Variants in CHD6 observed in about 807,000 individuals in gnomAD.
CHD6 encodes chromodomain helicase DNA binding protein 6, also known as ATP-dependent chromatin remodeler CHD6.
In CHD6, 50 loss-of-function variants were observed where a neutral mutation model predicts 276.9. That is an observed-to-expected ratio of 0.18 (90% CI 0.14 to 0.23). The LOEUF (loss-of-function observed/expected upper bound fraction) is 0.23, where lower values mean the gene tolerates loss of function less well. CHD6 is among the 10% of genes least tolerant of loss of function. CHD6 has a pLI of 1.00. For missense variants in CHD6, 2,564 were observed against 3,365.8 expected, an observed-to-expected ratio of 0.76 and a Z score of 5.89; for synonymous variants, 1,173 against 1,229.3, an observed-to-expected ratio of 0.95 and a Z score of 0.96.
rs561475722 is a variant in CHD6, at chr20:41,555,816, C to T, written c.-23-4456G>A. Among the ~76,000 whole-genome samples, 216 of 152,112 alleles carry T rather than the reference C, an allele frequency of 1.4e-3. 2 individuals carry two copies. The highest frequency in any genetic ancestry group is 5.1e-3 in the African/African-American group (210 of 41,520). On this transcript the variant is annotated intron_variant, in intron 1 of 36. Transcript: ENST00000373233. ...CCTCACGTCCCAGACGATGGGCGGCCAGGCAGAGACGCTCCTCACTTCCCA... is the reference window on the plus strand; with the variant it reads ...CCTCACGTCCCAGACGATGGGCGGCTAGGCAGAGACGCTCCTCACTTCCCA...
chr20:41,429,914 A>G (rs547087578), intron 27 of CHD6, among the ~76,000 whole-genome samples: 1 of 152,318 alleles, frequency 6.6e-6, no homozygotes, highest in South Asian at 2.1e-4. Context: ...CTACCAATCT[A>G]CTAAACGGTT....
chr20:41,519,169 G>C (rs1056830540), intron 3 of CHD6, among the ~76,000 whole-genome samples: 1 of 152,186 alleles, frequency 6.6e-6, no homozygotes, highest in Non-Finnish European at 1.5e-5. Flanking sequence ...TGTGGTCCCC[G>C]CTACTTGGGA....
rs1254210442 is a variant in CHD6 at position 41,513,006 on chromosome 20, AAC to A, written c.703-13_703-12del. ...TCCCGAGCGTCGTTTCTGTAGGGCA[AAC>A]ACACCCGTCAGAGAAGCTCTCTGAG... On this transcript the variant is annotated splice_polypyrimidine_tract_variant and intron_variant, in intron 4 of 36. Transcript: ENST00000373233. 3 of 1,613,840 alleles carry A rather than the reference AAC, an allele frequency of 1.9e-6. No individual in the cohort carries two copies. Among genetic ancestry groups the A allele is most frequent in the Non-Finnish European group, 2.5e-6 (3 of 1,179,890 alleles).
intron 36 of CHD6, among the ~76,000 whole-genome samples, chr20:41,408,058 T>C (rs536797826): frequency 2.6e-5 from 4 of 151,428 alleles, no homozygotes; most frequent in Non-Finnish European, 5.9e-5. Flanking sequence ...TTCCCAAGAA[T>C]ATTAAAAAAA....
chr20:41,549,740 A>C (rs1237126019), intron 2 of CHD6, among the ~76,000 whole-genome samples: 1 of 152,182 alleles, frequency 6.6e-6, no homozygotes, highest in Non-Finnish European at 1.5e-5. Context: ...AGATTGCTTT[A>C]AGAAATATAA....
At chr20:41,553,610 C>T (rs932382567) in intron 1 of CHD6, among the ~76,000 whole-genome samples, 2 of 152,218 alleles carry the variant, frequency 1.3e-5, no homozygotes, top group African/African-American at 4.8e-5. Context: ...ATGCAGGACA[C>T]GGCAGTGAGG....
chr20:41,483,118 CTT>C (rs370180930), intron 16 of CHD6, among the ~76,000 whole-genome samples, 189 bp downstream of exon 16: 94 of 152,148 alleles, frequency 6.2e-4, no homozygotes, highest in African/African-American at 2.2e-3. Context: ...GAAATTTACT[CTT>C]GACAGTTAAA....
Position 41,405,390 on chromosome 20 carries a change from G to A in CHD6, c.7351C>T (p.Leu2451=). The A allele has an allele frequency of 1.2e-6, 2 of 1,614,192 alleles. No individual in the cohort carries two copies. Among genetic ancestry groups the A allele is most frequent in the African/African-American group, 1.3e-5 (1 of 75,078 alleles). The part of the protein sequence containing the change: ...RRGRRPRSEL[L]KAPSIVADSP... ...TCTGCCACAATGGAAGGAGCCTTCA[G>A]GAGTTCGCTCCGAGGCCGCCTCCCC... is the stretch of plus-strand genomic sequence containing the variant. The change falls in exon 37 of 37, where the codon CTG becomes TTG. Residue 2451 remains leucine (L), a synonymous_variant. Coordinates refer to ENST00000373233, the MANE Select transcript of CHD6 (RefSeq NM_032221.5).
At position 41,539,401 on chromosome 20, in the gene CHD6, C is replaced by T. The variant is rs536108939; in HGVS notation, c.34-5831G>A. On this transcript the variant is annotated intron_variant, in intron 2 of 36. Transcript: ENST00000373233. ...TTATCTTGGTAGGAATAAAATGGAC[C>T]CAGGACACAGGTTAGACAAGAGCCA... 2.6e-5 allele frequency among the ~76,000 whole-genome samples: 4 copies of T among 152,230 alleles called. No individual in the cohort carries two copies. In the South Asian group the frequency reaches 6.2e-4, roughly 24 times the overall value.
At chr20:41,513,829 G>T (rs1282879958) in intron 4 of CHD6, among the ~76,000 whole-genome samples, 2 of 152,140 alleles carry the variant, frequency 1.3e-5, no homozygotes, top group African/African-American at 4.8e-5. Context: ...CCTCCTGAGT[G>T]TCTCTCTTCT....
chr20:41,528,777 T>C (rs1471019314), intron 3 of CHD6, among the ~76,000 whole-genome samples: 4 of 152,256 alleles, frequency 2.6e-5, no homozygotes, highest in Non-Finnish European at 2.9e-5. Context: ...TGATCACTAT[T>C]AATATCATCC....
intron 1 of CHD6, among the ~76,000 whole-genome samples, chr20:41,606,780 A>G (rs1334500363): frequency 6.6e-6 from 1 of 152,132 alleles, no homozygotes; most frequent in Non-Finnish European, 1.5e-5. Context: ...TCAGATACGC[A>G]CTGGAATCAC....
intron 26 of CHD6, among the ~76,000 whole-genome samples, chr20:41,438,173 T>C (rs1221237236): frequency 6.6e-6 from 1 of 152,206 alleles, no homozygotes; most frequent in Non-Finnish European, 1.5e-5. Flanking sequence ...CTGCCACTGG[T>C]TAACAAGGAC....
intron 1 of CHD6, among the ~76,000 whole-genome samples, chr20:41,591,084 C>G (rs2045652875): frequency 6.6e-6 from 1 of 151,664 alleles, no homozygotes; most frequent in Admixed American, 6.6e-5. Context: ...AGCTGGAAAG[C>G]ATCATTCTCA....
At chr20:41,494,447 T>C (rs558378272) in intron 8 of CHD6, among the ~76,000 whole-genome samples, 2 of 152,234 alleles carry the variant, frequency 1.3e-5, no homozygotes, top group African/African-American at 2.4e-5. Context: ...ATGCACACTA[T>C]GCTTCAAAAA....
chr20:41,522,098 T>C (rs1296755315), intron 3 of CHD6, among the ~76,000 whole-genome samples: 1 of 152,164 alleles, frequency 6.6e-6, no homozygotes, highest in Non-Finnish European at 1.5e-5. Flanking sequence ...ATCAGCACTT[T>C]GGTAGGCTGG....
chr20:41,593,139 C>G (rs1034211678), intron 1 of CHD6, among the ~76,000 whole-genome samples: 1 of 141,390 alleles, frequency 7.1e-6, no homozygotes, highest in Non-Finnish European at 1.5e-5. Flanking sequence ...TAAAACAGTT[C>G]TTTGGTATCC....
Position 41,533,370 on chromosome 20 carries a change from G to A in CHD6, c.234C>T (p.Ser78=), listed in dbSNP as rs761491552. 2 of 1,613,956 alleles carry A rather than the reference G, an allele frequency of 1.2e-6. No individual in the cohort carries two copies. Among genetic ancestry groups the A allele is most frequent in the East Asian group, 4.5e-5 (2 of 44,860 alleles). The part of the protein sequence containing the change: ...AATLFPRKMT[S]HNGMEDSGGG... The stretch of plus-strand genomic sequence containing the variant: ...CTCCACTGTCCTCCATCCCATTATG[G>A]GATGTCATTTTCCTAGGAAAAAGGG... Residue 78 remains serine (S), a synonymous_variant, in exon 3 of 37, where the codon TCC becomes TCT. Coordinates refer to ENST00000373233, the MANE Select transcript of CHD6 (RefSeq NM_032221.5).
chr20:41,605,919 C>T (rs976070412), intron 1 of CHD6, among the ~76,000 whole-genome samples: 3 of 152,122 alleles, frequency 2.0e-5, no homozygotes, highest in African/African-American at 7.2e-5. Flanking sequence ...TTTTTGAGAA[C>T]CTACTATGTA....
Sources: allele counts gnomAD v4.1 joint callset (sites outside exome capture counted in the v4.1 genomes callset), GRCh38; gene constraint gnomAD v4.1.1; transcripts MANE v1.5; gene names NCBI Gene and HGNC (gene_info 2026-07-23, HGNC 2026-07-21).